ERBIN: variants seen among roughly 807,000 people sequenced by gnomAD.
ERBIN encodes densin-180-like protein.
A neutral mutation model predicts 158.4 loss-of-function variants in ERBIN; 60 were observed. That is an observed-to-expected ratio of 0.38 (90% CI 0.31 to 0.47). The LOEUF (loss-of-function observed/expected upper bound fraction) is 0.47. Ranked by LOEUF, ERBIN falls within the 20% of genes least tolerant of loss-of-function variation. The pLI is 0.99. For synonymous variants in ERBIN, 594 were observed against 557.2 expected (o/e 1.07, Z -0.93); for missense variants, 1,610 against 1,648.0 (o/e 0.98, Z 0.40).
chr5:65,962,845 G>A (rs75746809), intron 1 of ERBIN, among the ~76,000 whole-genome samples: 2,293 of 152,186 alleles, frequency 0.015, 66 homozygotes, highest in African/African-American at 0.051. Flanking sequence ...TACTAATTAA[G>A]GATGGTTCTA....
intron 1 of ERBIN, among the ~76,000 whole-genome samples, chr5:65,949,059 T>C (rs1746172670): frequency 6.6e-6 from 1 of 152,126 alleles, no homozygotes; most frequent in Admixed American, 6.6e-5. Flanking sequence ...CCACCGTGCC[T>C]GGCCATGTTT....
chr5:66,062,000 G>C (rs1016291132), intron 21 of ERBIN, among the ~76,000 whole-genome samples: 7 of 152,112 alleles, frequency 4.6e-5, no homozygotes, highest in Admixed American at 1.3e-4. Flanking sequence ...TTCAACTTTG[G>C]TGAATCTGAC....
In ERBIN at chr5:65,960,631, T is replaced by G. The variant is rs141526384; in HGVS notation, c.-57-28004T>G. 2.1e-3 allele frequency among the ~76,000 whole-genome samples: 320 copies of G among 152,344 alleles called. 2 individuals are homozygous for G. The highest frequency in any genetic ancestry group is 7.4e-3 in the African/African-American group (308 of 41,584). On this transcript the variant is annotated intron_variant, in intron 1 of 25. Coordinates refer to ENST00000284037, the MANE Select transcript of ERBIN (RefSeq NM_001253697.2). ...GATGCTTTTGCCCTTGGATGTAGGC[T>G]CTTCATGAATGCAACTGCTACTCAT...
At chr5:65,950,811 A>T (rs1746409854) in intron 1 of ERBIN, among the ~76,000 whole-genome samples, 1 of 150,602 alleles carries the variant, frequency 6.6e-6, no homozygotes, top group Non-Finnish European at 1.5e-5. Flanking sequence ...TTCCTGTAGG[A>T]TCAGTTGTCT....
intron 2 of ERBIN, among the ~76,000 whole-genome samples, chr5:65,992,330 A>T (rs1455963943): frequency 6.6e-6 from 1 of 152,020 alleles, no homozygotes; most frequent in South Asian, 2.1e-4. Context: ...TTGTATTTTT[A>T]GGAGAGACGG....
chr5:65,994,017 C>G (rs538270257), intron 3 of ERBIN, among the ~76,000 whole-genome samples: 1 of 152,194 alleles, frequency 6.6e-6, no homozygotes, highest in Non-Finnish European at 1.5e-5. Context: ...CAGTATGCAA[C>G]AGGCTTTTTT....
At chr5:66,046,306 A>G (rs1237988053) in intron 17 of ERBIN, 47 bp from the exon 18 acceptor site, 3 of 1,115,998 alleles carry the variant, frequency 2.7e-6, no homozygotes, top group Admixed American at 2.5e-5. Context: ...TTTAAAATAG[A>G]TATAAAACTT....
chr5:66,066,571 G>A (rs1161087204), intron 21 of ERBIN, among the ~76,000 whole-genome samples: 4 of 150,064 alleles, frequency 2.7e-5, no homozygotes, highest in Admixed American at 1.3e-4. Context: ...AAGATACAAA[G>A]TAGATGTCAC....
intron 16 of ERBIN, among the ~76,000 whole-genome samples, chr5:66,043,902 A>G (rs1196734978): frequency 2.6e-5 from 4 of 152,212 alleles, no homozygotes; most frequent in African/African-American, 9.6e-5. Flanking sequence ...CTAAATGGAA[A>G]TATTTGAGTC....
rs138676349 is a variant in ERBIN at position 66,020,392 on chromosome 5, T to C, written c.534-930T>C. On this transcript the variant is annotated intron_variant, in intron 7 of 25. Coordinates refer to ENST00000284037, the MANE Select transcript of ERBIN (RefSeq NM_001253697.2). The stretch of plus-strand genomic sequence containing the variant: ...TTTTCGTGCCGTAATTTGAAGTGCC[T>C]GTGGATTTTAAATGATACTCATTTT... Among the ~76,000 whole-genome samples, 354 of 152,104 alleles carry C rather than the reference T, an allele frequency of 2.3e-3. 1 individual carries two copies. Among genetic ancestry groups the C allele is most frequent in the African/African-American group, 8.3e-3 (343 of 41,552 alleles).
chr5:66,054,189 A>C lies in ERBIN; in HGVS notation c.2871A>C (p.Ile957=), dbSNP rs1759348166. The change falls in exon 21 of 26, where the codon ATA becomes ATC. Residue 957 remains isoleucine, a synonymous_variant. Coordinates refer to ENST00000284037, the MANE Select transcript of ERBIN (RefSeq NM_001253697.2). ...ATCATAATCCCGAAGAGCCAAATAT[A>C]ATAAGAGGCCCCACAAGTGGCCCAC... The part of the protein sequence containing the change: ...DSNHNPEEPN[I]IRGPTSGPQS... The C allele has an allele frequency of 1.2e-6, 2 of 1,614,118 alleles. No individual in the cohort carries two copies. The highest frequency in any genetic ancestry group is 2.2e-5 in the East Asian group (1 of 44,880).
At chr5:65,939,719 C>T (rs1457963854) in intron 1 of ERBIN, among the ~76,000 whole-genome samples, 1 of 149,616 alleles carries the variant, frequency 6.7e-6, no homozygotes, top group Non-Finnish European at 1.5e-5. Flanking sequence ...ACTGGTTTTC[C>T]TATTTTTTTG....
Position 66,079,150 on chromosome 5 carries a change from GTTT to G in ERBIN, c.*623_*625del, listed in dbSNP as rs1416308395. 3 of 152,602 alleles carry G rather than the reference GTTT, an allele frequency of 2.0e-5. No homozygotes were observed. Among genetic ancestry groups the G allele is most frequent in the Non-Finnish European group, 4.4e-5 (3 of 68,054 alleles). 9.5% of individuals were successfully genotyped at this position (152,602 alleles called of 1,614,324 possible). On this transcript the variant is annotated 3_prime_UTR_variant, in exon 26 of 26. Transcript: ENST00000284037. ...GATGGGGAGAGCTACGTGGTAGTAT[GTTT>G]TTATTAGGAGAATAATGCAATAAAA...
intron 4 of ERBIN, among the ~76,000 whole-genome samples, chr5:65,995,265 C>A (rs1207510748): frequency 6.6e-6 from 1 of 152,086 alleles, no homozygotes; most frequent in Non-Finnish European, 1.5e-5. Context: ...CTTTGAACAA[C>A]ATATTCCAAT....
chr5:66,070,543 T>TG, intron 21 of ERBIN, among the ~76,000 whole-genome samples: 1 of 152,326 alleles, frequency 6.6e-6, no homozygotes, highest in East Asian at 1.9e-4. Flanking sequence ...TTGGAGCCTT[T>TG]GAATACATTG....
intron 21 of ERBIN, among the ~76,000 whole-genome samples, chr5:66,061,464 T>C (rs1760325021): frequency 6.6e-6 from 1 of 152,224 alleles, no homozygotes; most frequent in Non-Finnish European, 1.5e-5. Flanking sequence ...GTTTCCTGAA[T>C]ACAGCACACT....
chr5:65,941,766 A>T (rs548546826), intron 1 of ERBIN, among the ~76,000 whole-genome samples: 1 of 151,370 alleles, frequency 6.6e-6, no homozygotes, highest in African/African-American at 2.4e-5. Flanking sequence ...TTTGAGACGG[A>T]GTGTCGTTTT....
chr5:65,998,835 C>T (rs1046679471), intron 4 of ERBIN, among the ~76,000 whole-genome samples: 2 of 137,622 alleles, frequency 1.5e-5, no homozygotes, highest in Non-Finnish European at 3.0e-5. Flanking sequence ...GTCAAGGCTG[C>T]GGTAAGCCGT....
At chr5:65,950,172 A>G (rs1259460080) in intron 1 of ERBIN, among the ~76,000 whole-genome samples, 1 of 151,576 alleles carries the variant, frequency 6.6e-6, no homozygotes, top group African/African-American at 2.4e-5. Flanking sequence ...TGCCCAGCTA[A>G]TTTTTTGTAT....
Sources: allele counts gnomAD v4.1 joint callset (sites outside exome capture counted in the v4.1 genomes callset), GRCh38; gene constraint gnomAD v4.1.1; transcripts MANE v1.5; gene names NCBI Gene and HGNC (gene_info 2026-07-23, HGNC 2026-07-21).